Variants in MFSD6 observed in about 807,000 individuals in gnomAD.
MFSD6 encodes major facilitator superfamily domain containing 6, also known as major facilitator superfamily domain-containing protein 6.
MFSD6 carries 26 observed loss-of-function variants against 56.3 expected under a neutral mutation model. The ratio of observed to expected loss-of-function variants is 0.46; its 90% CI spans 0.34 to 0.64. MFSD6 has a LOEUF of 0.64. Among genes scored for constraint, MFSD6 ranks in the 30% least tolerant of loss-of-function variants. The pLI, the probability that MFSD6 is intolerant of heterozygous loss-of-function variation, is 0.01. For synonymous variants in MFSD6, 331 were observed against 366.9 expected (o/e 0.90, Z 1.12); for missense variants, 750 against 986.2 (o/e 0.76, Z 3.21).
In MFSD6 at chr2:190,469,895, C is replaced by A; in HGVS notation, c.1630+40C>A. ...GGGATTGAAATTATTTCTCTGCCTT[C>A]CCTGAGCTGTGGCTAAAAGCCCAGT... On this transcript the variant is annotated intron_variant, in intron 4 of 7. Coordinates refer to ENST00000392328, the MANE Select transcript of MFSD6 (RefSeq NM_017694.4). The surrounding 1 kb of genome is among the most constrained non-coding windows in gnomAD (Gnocchi z 5.3). 2 of 1,458,840 alleles carry A rather than the reference C, an allele frequency of 1.4e-6. No individual in the cohort carries two copies. The highest frequency in any genetic ancestry group is 1.9e-6 in the Non-Finnish European group (2 of 1,044,984). The allele number at this position is 1,458,840 out of a possible 1,614,324, so 90.4% of individuals were successfully genotyped here.
rs143454941 is a variant in MFSD6, at chr2:190,456,339, G to T, written c.1533-13419G>T. Among the ~76,000 whole-genome samples the T allele has an allele frequency of 6.6e-6, 1 of 152,198 alleles. No individual in the cohort carries two copies. The highest frequency in any genetic ancestry group is 2.4e-5 in the African/African-American group (1 of 41,440). On this transcript the variant is annotated intron_variant, in intron 3 of 7. Coordinates refer to ENST00000392328, the MANE Select transcript of MFSD6 (RefSeq NM_017694.4). This position sits in a 1 kb window ranked among gnomAD's most constrained non-coding sequence, Gnocchi z 5.4. ...GTGAGTGGGAACTGCATTGACTTCA[G>T]TCTGAGTGCTAGTGAATGTTCAGGA...
intron 2 of MFSD6, among the ~76,000 whole-genome samples, chr2:190,421,548 C>T (rs1177508071): frequency 6.6e-6 from 1 of 151,980 alleles, no homozygotes; most frequent in African/African-American, 2.4e-5. Context: ...TTTCTCTTCC[C>T]AGAGGCAACT....
At chr2:190,444,784 G>A (rs1325237710) in intron 3 of MFSD6, 1 of 324,100 alleles carries the variant, frequency 3.1e-6, no homozygotes, top group Non-Finnish European at 4.4e-6. Flanking sequence ...GAGTATTAGG[G>A]TGCTAAAACC....
At chr2:190,476,541 AAGTC>A (rs1159085839) in intron 4 of MFSD6, among the ~76,000 whole-genome samples, 19 of 152,220 alleles carry the variant, frequency 1.2e-4, no homozygotes, top group African/African-American at 3.6e-4. Context: ...AATCATTAAA[AAGTC>A]AGGGAACAAC....
At chr2:190,449,113 A>G (rs1218332003) in intron 3 of MFSD6, among the ~76,000 whole-genome samples, 1 of 152,248 alleles carries the variant, frequency 6.6e-6, no homozygotes, top group Admixed American at 6.5e-5. Context: ...TATTTTGTAT[A>G]ACAACCATGG....
rs796363591 is a variant in MFSD6 at position 190,490,457 on chromosome 2, G to T, written c.1891+591G>T. ...GGGCGCCTGTAATCCCAGCTACTCA[G>T]GAGGCTGAGGCAGGAGAATGGCGTG... On this transcript the variant is annotated intron_variant, in intron 6 of 7. Coordinates refer to ENST00000392328, the MANE Select transcript of MFSD6 (RefSeq NM_017694.4). The surrounding 1 kb of genome is among the most constrained non-coding windows in gnomAD (Gnocchi z 4.5). 1.1e-4 allele frequency among the ~76,000 whole-genome samples: 17 copies of T among 152,162 alleles called. No individual in the cohort carries two copies. The highest frequency in any genetic ancestry group is 3.6e-4 in the African/African-American group (15 of 41,510).
chr2:190,499,348 C>A lies in MFSD6; in HGVS notation c.2173-667C>A, dbSNP rs768089429. 1.3e-5 allele frequency among the ~76,000 whole-genome samples: 2 copies of A among 151,892 alleles called. No homozygotes were observed. Among genetic ancestry groups the A allele is most frequent in the Non-Finnish European group, 2.9e-5 (2 of 68,002 alleles). ...GATGGGTACTAATTTGGGGGAGAAT[C>A]CATTTAAATTTTTTTTTATTTGTAC... On this transcript the variant is annotated intron_variant, in intron 7 of 7. Coordinates refer to ENST00000392328, the MANE Select transcript of MFSD6 (RefSeq NM_017694.4). The surrounding 1 kb of genome is among the most constrained non-coding windows in gnomAD (Gnocchi z 6.0).
intron 3 of MFSD6, among the ~76,000 whole-genome samples, chr2:190,446,396 G>T (rs1024220858): frequency 6.6e-6 from 1 of 152,160 alleles, no homozygotes; most frequent in Non-Finnish European, 1.5e-5. Context: ...CGACAGAAAG[G>T]CACAGGCACT....
Position 190,417,965 on chromosome 2 carries a change from GGTGTGTGTGTGTGT to G in MFSD6, c.-54+2575_-54+2588del, listed in dbSNP as rs59001642. 7.6e-5 allele frequency among the ~76,000 whole-genome samples: 11 copies of G among 144,610 alleles called. No individual in the cohort carries two copies. The highest frequency in any genetic ancestry group is 2.2e-4 in the South Asian group (1 of 4,458). 94.9% of individuals were successfully genotyped at this position (144,610 alleles called of 152,430 possible). ...CTGACTTTTCATTTAACCCTTTAGT[GGTGTGTGTGTGTGT>G]GTGTGTGTGTGTGTGTGTGTGTATG... is the stretch of plus-strand genomic sequence containing the variant. On this transcript the variant is annotated intron_variant, in intron 2 of 7. Coordinates refer to ENST00000392328, the MANE Select transcript of MFSD6 (RefSeq NM_017694.4). The surrounding 1 kb of genome is among the most constrained non-coding windows in gnomAD (Gnocchi z 5.7).
At position 190,458,968 on chromosome 2, in the gene MFSD6, T is replaced by C. The variant is rs1300490792; in HGVS notation, c.1533-10790T>C. ...TGCTTAGTTTCTGCTTAGCAGAAGG[T>C]AAAACAAGAACATCTGTTGTACTGA... On this transcript the variant is annotated intron_variant, in intron 3 of 7. Transcript: ENST00000392328. This position sits in a 1 kb window ranked among gnomAD's most constrained non-coding sequence, Gnocchi z 5.3. 1.3e-5 allele frequency among the ~76,000 whole-genome samples: 2 copies of C among 152,188 alleles called. No homozygotes were observed. The highest frequency in any genetic ancestry group is 4.8e-5 in the African/African-American group (2 of 41,452).
At chr2:190,435,069 C>T (rs552042148) in intron 2 of MFSD6, among the ~76,000 whole-genome samples, 2 of 152,318 alleles carry the variant, frequency 1.3e-5, no homozygotes, top group African/African-American at 4.8e-5. Context: ...AAACCAACCC[C>T]CCTCTCCATC....
chr2:190,473,027 A>G (rs1688042995), intron 4 of MFSD6, among the ~76,000 whole-genome samples: 1 of 152,212 alleles, frequency 6.6e-6, no homozygotes, highest in Non-Finnish European at 1.5e-5. Flanking sequence ...TTTACAGACA[A>G]GCAAATGCTG....
At position 190,438,792 on chromosome 2, in the gene MFSD6, T is replaced by C. The variant is rs886971041; in HGVS notation, c.1532+1231T>C. 6.6e-6 allele frequency among the ~76,000 whole-genome samples: 1 copy of C among 152,246 alleles called. No homozygotes were observed. The highest frequency in any genetic ancestry group is 1.5e-5 in the Non-Finnish European group (1 of 68,034). ...AGAGGAGAAATAGACAATGACAAGATTTGACAATCCTTTATTTCCTTTCTA... is the reference window on the plus strand; with the variant it reads ...AGAGGAGAAATAGACAATGACAAGACTTGACAATCCTTTATTTCCTTTCTA... On this transcript the variant is annotated intron_variant, in intron 3 of 7. Transcript: ENST00000392328. This position sits in a 1 kb window ranked among gnomAD's most constrained non-coding sequence, Gnocchi z 5.2.
rs1685684885 is a variant in MFSD6 at position 190,423,236 on chromosome 2, C to T, written c.-54+7823C>T. ...CAAGATACAGAACATTTCTCTCTGT[C>T]GCCACCAAGGTCCCTCATGTTGCCC... On this transcript the variant is annotated intron_variant, in intron 2 of 7. Coordinates refer to ENST00000392328, the MANE Select transcript of MFSD6 (RefSeq NM_017694.4). The surrounding 1 kb of genome is among the most constrained non-coding windows in gnomAD (Gnocchi z 4.3). Among the ~76,000 whole-genome samples, 2 of 152,314 alleles carry T rather than the reference C, an allele frequency of 1.3e-5. No individual in the cohort carries two copies. The highest frequency in any genetic ancestry group is 3.4e-3 in the Middle Eastern group (1 of 294).
rs1421194487 is a variant in MFSD6, at chr2:190,423,632, T to C, written c.-54+8219T>C. The stretch of plus-strand genomic sequence containing the variant: ...TGGGTTTCTGTGTGAAAATAAGTTT[T>C]CATTTATCTGGAATAAATTCCCAGA... On this transcript the variant is annotated intron_variant, in intron 2 of 7. Coordinates refer to ENST00000392328, the MANE Select transcript of MFSD6 (RefSeq NM_017694.4). The surrounding 1 kb of genome is among the most constrained non-coding windows in gnomAD (Gnocchi z 4.3). 6.6e-6 allele frequency among the ~76,000 whole-genome samples: 1 copy of C among 152,224 alleles called. No homozygotes were observed. Among genetic ancestry groups the C allele is most frequent in the Non-Finnish European group, 1.5e-5 (1 of 68,046 alleles).
Position 190,499,348 on chromosome 2 carries a change from C to T in MFSD6, c.2173-667C>T, listed in dbSNP as rs768089429. Among the ~76,000 whole-genome samples the T allele has an allele frequency of 6.6e-6, 1 of 151,892 alleles. No individual in the cohort carries two copies. The highest frequency in any genetic ancestry group is 1.5e-5 in the Non-Finnish European group (1 of 68,002). ...GATGGGTACTAATTTGGGGGAGAAT[C>T]CATTTAAATTTTTTTTTATTTGTAC... On this transcript the variant is annotated intron_variant, in intron 7 of 7. Transcript: ENST00000392328. The surrounding 1 kb of genome is among the most constrained non-coding windows in gnomAD (Gnocchi z 6.0).
At chr2:190,474,133 C>A (rs1209037447) in intron 4 of MFSD6, among the ~76,000 whole-genome samples, 2 of 151,888 alleles carry the variant, frequency 1.3e-5, no homozygotes, top group South Asian at 2.1e-4. Flanking sequence ...AAAATTGACG[C>A]CCTAACATCA....
rs1399101736 is a variant in MFSD6, at chr2:190,434,639, G to A, written c.-53-1338G>A. 6.6e-6 allele frequency among the ~76,000 whole-genome samples: 1 copy of A among 152,068 alleles called. No homozygotes were observed. The highest frequency in any genetic ancestry group is 1.5e-5 in the Non-Finnish European group (1 of 68,012). ...AGTAGAAACGGGGTTTCACCATGTT[G>A]GCCAGGATGGTCTCAATCTCCTGAA... On this transcript the variant is annotated intron_variant, in intron 2 of 7. Transcript: ENST00000392328. This position sits in a 1 kb window ranked among gnomAD's most constrained non-coding sequence, Gnocchi z 4.3.
chr2:190,480,413 AATGAT>A (rs1274585924), intron 4 of MFSD6, among the ~76,000 whole-genome samples: 1 of 152,180 alleles, frequency 6.6e-6, no homozygotes, highest in African/African-American at 2.4e-5. Flanking sequence ...ATATCTTTTG[AATGAT>A]ATAAGAAATT....
Sources: gnomAD v4.1 joint callset for allele counts (sites outside exome capture counted in the v4.1 genomes callset) on GRCh38, gnomAD v4.1.1 for gene constraint, Gnocchi (gnomAD v3.1) non-coding constraint, MANE v1.5 for transcripts, NCBI Gene and HGNC (gene_info 2026-07-23, HGNC 2026-07-21) for gene names.